Variants in HS2ST1 observed in about 807,000 individuals in gnomAD.
The protein encoded by HS2ST1 is heparan sulfate 2-O-sulfotransferase 1, also known as 2-O-sulfotransferase.
A neutral mutation model predicts 42.9 loss-of-function variants in HS2ST1; 18 were observed. The observed-to-expected ratio is 0.42, with a 90% CI of 0.29 to 0.62. The LOEUF (loss-of-function observed/expected upper bound fraction) is 0.62, where lower values mean the gene tolerates loss of function less well. HS2ST1 is among the 20% of genes least tolerant of loss of function. The pLI, the probability that HS2ST1 is intolerant of heterozygous loss-of-function variation, is 0.21. For missense variants in HS2ST1, 334 were observed against 433.8 expected (o/e 0.77, Z 2.04); for synonymous variants, 146 against 152.9 (o/e 0.95, Z 0.33).
rs12073343 is a variant in HS2ST1, at chr1:86,999,039, T to A, written c.125-73895T>A. ...TTACTAGTGCTTATACTTCATCTAG[T>A]TAACCCTCAAAGGGAAAGAGCCCTG... On this transcript the variant is annotated intron_variant, in intron 1 of 6. Coordinates refer to ENST00000370550, the MANE Select transcript of HS2ST1 (RefSeq NM_012262.4). 8.6e-3 allele frequency among the ~76,000 whole-genome samples: 1,305 copies of A among 152,314 alleles called. 24 individuals carry two copies. The highest frequency in any genetic ancestry group is 0.03 in the African/African-American group (1,266 of 41,564).
In HS2ST1 at chr1:87,058,078, C is replaced by T. The variant is rs1651023071; in HGVS notation, c.125-14856C>T. On this transcript the variant is annotated intron_variant, in intron 1 of 6. Transcript: ENST00000370550. ...GAGGGAGTCCAAAAACACATCTGTACTGTAGAGGAGAAATTGATAGCATAG... is the reference window on the plus strand; with the variant it reads ...GAGGGAGTCCAAAAACACATCTGTATTGTAGAGGAGAAATTGATAGCATAG... Among the ~76,000 whole-genome samples the T allele has an allele frequency of 4.0e-5, 6 of 151,676 alleles. No individual in the cohort carries two copies. In the South Asian group the frequency reaches 1.2e-3, roughly 31 times the overall value.
At chr1:87,069,703 A>T (rs1167626835) in intron 1 of HS2ST1, among the ~76,000 whole-genome samples, 1 of 152,212 alleles carries the variant, frequency 6.6e-6, no homozygotes. Flanking sequence ...AACACTTGAA[A>T]AATAGAAAAT....
At chr1:87,069,579 A>AT (rs1240623925) in intron 1 of HS2ST1, among the ~76,000 whole-genome samples, 1 of 152,226 alleles carries the variant, frequency 6.6e-6, no homozygotes, top group African/African-American at 2.4e-5. Flanking sequence ...CTGAGATGTG[A>AT]TTTAATATTA....
intron 1 of HS2ST1, among the ~76,000 whole-genome samples, chr1:86,990,832 ATATATTTTTTTT>A (rs1309421760): frequency 1.1e-4 from 2 of 17,808 alleles, no homozygotes; most frequent in African/African-American, 1.9e-4. Context: ...ATATATATAT[ATATATTTTTTTT>A]TTTTTTTTTT....
chr1:87,026,925 T>G (rs551290128), intron 1 of HS2ST1, among the ~76,000 whole-genome samples: 46 of 152,314 alleles, frequency 3.0e-4, no homozygotes, highest in East Asian at 2.5e-3. Flanking sequence ...TAGTGAAATT[T>G]AAAGTCAACT....
At chr1:87,059,344 A>G (rs1651059623) in intron 1 of HS2ST1, among the ~76,000 whole-genome samples, 1 of 152,168 alleles carries the variant, frequency 6.6e-6, no homozygotes, top group South Asian at 2.1e-4. Flanking sequence ...GAACTTACTC[A>G]GTGTATTTTC....
At chr1:87,051,493 A>C (rs1271282143) in intron 1 of HS2ST1, among the ~76,000 whole-genome samples, 3 of 152,236 alleles carry the variant, frequency 2.0e-5, no homozygotes, top group African/African-American at 7.2e-5. Flanking sequence ...AAGATCAACA[A>C]ATTATTTTAA....
At position 86,920,110 on chromosome 1, in the gene HS2ST1, A is replaced by G. The variant is rs138107724; in HGVS notation, c.124+4950A>G. Among the ~76,000 whole-genome samples, 12 of 152,294 alleles carry G rather than the reference A, an allele frequency of 7.9e-5. No individual in the cohort carries two copies. The East Asian group carries it at 1.7e-3, about 22-fold the overall frequency. Reference sequence around the variant, plus strand: ...TATGTGCTTGGTAACTTTATTTTCTATAGGGTTTTAGCATTGTAAATAATA... The same window carrying G: ...TATGTGCTTGGTAACTTTATTTTCTGTAGGGTTTTAGCATTGTAAATAATA... On this transcript the variant is annotated intron_variant, in intron 1 of 6. Coordinates refer to ENST00000370550, the MANE Select transcript of HS2ST1 (RefSeq NM_012262.4).
intron 1 of HS2ST1, among the ~76,000 whole-genome samples, chr1:87,062,739 T>A (rs1378644037): frequency 1.3e-5 from 2 of 152,200 alleles, no homozygotes; most frequent in African/African-American, 4.8e-5. Flanking sequence ...CTACTGGCAA[T>A]AAATGCTAAT....
rs1660107399 is a variant in HS2ST1 at position 86,914,945 on chromosome 1, C to T, written c.-92C>T. 2.6e-6 allele frequency: 4 copies of T among 1,528,578 alleles called. No homozygotes were observed. The highest frequency in any genetic ancestry group is 1.1e-5 in the South Asian group (1 of 88,350). 94.7% of individuals were successfully genotyped at this position (1,528,578 alleles called of 1,614,324 possible). On this transcript the variant is annotated 5_prime_UTR_variant, in exon 1 of 7. Coordinates refer to ENST00000370550, the MANE Select transcript of HS2ST1 (RefSeq NM_012262.4). The stretch of plus-strand genomic sequence containing the variant: ...TGTCGCTCTCTCTTTGCCTCGCTCC[C>T]GGCTCGGCGGGCTCCTCCCGGCGTC...
At chr1:86,924,624 G>T (rs999794271) in intron 1 of HS2ST1, among the ~76,000 whole-genome samples, 12 of 152,190 alleles carry the variant, frequency 7.9e-5, no homozygotes. Flanking sequence ...TGTGGAAGCT[G>T]CCAAGGCTTG....
intron 1 of HS2ST1, among the ~76,000 whole-genome samples, chr1:86,984,877 G>GC (rs1648709411): frequency 7.0e-6 from 1 of 143,388 alleles, no homozygotes; most frequent in African/African-American, 2.6e-5. Flanking sequence ...CTGCACTCCA[G>GC]CCTGGGTGAC....
At chr1:87,088,155 A>T (rs1282410603) in intron 3 of HS2ST1, among the ~76,000 whole-genome samples, 10 of 151,970 alleles carry the variant, frequency 6.6e-5, no homozygotes, top group Non-Finnish European at 1.5e-4. Flanking sequence ...TCCTTGTCTG[A>T]ATCTCTGCTG....
At chr1:87,054,249 T>C (rs1650904660) in intron 1 of HS2ST1, among the ~76,000 whole-genome samples, 1 of 152,212 alleles carries the variant, frequency 6.6e-6, no homozygotes, top group Admixed American at 6.6e-5. Context: ...TCATTCTCCA[T>C]TGAAATTCCT....
intron 1 of HS2ST1, among the ~76,000 whole-genome samples, chr1:87,041,132 A>G (rs565670156): frequency 1.3e-5 from 2 of 151,420 alleles, no homozygotes; most frequent in South Asian, 4.2e-4. Context: ...AAAGGGGAGA[A>G]GGAGAAAAGG....
At chr1:87,025,034 A>G (rs1650048958) in intron 1 of HS2ST1, among the ~76,000 whole-genome samples, 1 of 152,178 alleles carries the variant, frequency 6.6e-6, no homozygotes, top group Non-Finnish European at 1.5e-5. Flanking sequence ...CCTTCAGTAA[A>G]ACAGAAATTC....
chr1:87,049,565 G>C (rs944453941), intron 1 of HS2ST1, among the ~76,000 whole-genome samples: 1 of 151,890 alleles, frequency 6.6e-6, no homozygotes, highest in African/African-American at 2.4e-5. Flanking sequence ...CCAAGTATTT[G>C]TGGACATTTC....
At chr1:86,924,342 A>G (rs1324429417) in intron 1 of HS2ST1, among the ~76,000 whole-genome samples, 1 of 152,156 alleles carries the variant, frequency 6.6e-6, no homozygotes, top group Non-Finnish European at 1.5e-5. Context: ...TGCACGGTGC[A>G]AACTGTCAGT....
intron 1 of HS2ST1, among the ~76,000 whole-genome samples, chr1:86,960,378 A>G (rs751584487): frequency 2.6e-5 from 4 of 152,172 alleles, no homozygotes; most frequent in Non-Finnish European, 5.9e-5. Context: ...AGGTTTGGTG[A>G]TAACTTTTTA....
Sources: gnomAD v4.1 joint callset for allele counts (sites outside exome capture counted in the v4.1 genomes callset) on GRCh38, gnomAD v4.1.1 for gene constraint, MANE v1.5 for transcripts, NCBI Gene and HGNC (gene_info 2026-07-23, HGNC 2026-07-21) for gene names.